The following ZMAT1 variants were observed in gnomAD, a reference collection of about 807,000 sequenced individuals.
ZMAT1 encodes the protein zinc finger matrin-type 1, also known as zinc finger matrin-type protein 1.
A neutral mutation model predicts 18.5 loss-of-function variants in ZMAT1; 11 were observed. The ratio of observed to expected loss-of-function variants is 0.59; its 90% confidence interval spans 0.37 to 0.98. The LOEUF (loss-of-function observed/expected upper bound fraction) is 0.98. Among genes scored for constraint, ZMAT1 ranks in the 50% least tolerant of loss-of-function variants. ZMAT1 has a pLI of 0.01. For synonymous variants in ZMAT1, 211 were observed against 176.4 expected, an observed-to-expected ratio of 1.20 and a Z score of -1.55; for missense variants, 525 against 496.2, an observed-to-expected ratio of 1.06 and a Z score of -0.55.
chrX:101,884,469 G>T lies in ZMAT1; in HGVS notation c.1129C>A (p.Leu377Ile), dbSNP rs1008806303. ...TTTCTGAAACAAGTCTTTGGATCTA[G>T]TCCTCTGGCTTTCTGTACTTTGATG... ...DYIKVQKARG[L>I]DPKTCFRKMR... The change falls in exon 6 of 6, where the codon CTA becomes ATA. Residue 377 changes from leucine to isoleucine, a missense_variant. Physicochemically the swap from Leu to Ile is conservative, Grantham distance 5 (BLOSUM62 2). Coordinates refer to ENST00000651725, the MANE Select transcript of ZMAT1 (RefSeq NM_001394560.1). 4.1e-6 allele frequency: 5 copies of T among 1,209,507 alleles called. No individual in the cohort carries two copies. The African/African-American group carries it at 8.7e-5, about 21-fold the overall frequency.
intron 1 of ZMAT1, among the ~76,000 whole-genome samples, chrX:101,914,681 G>A (rs1454373527): frequency 9.0e-6 from 1 of 110,942 alleles, no homozygotes; most frequent in Non-Finnish European, 1.9e-5. Flanking sequence ...CCAATAACAA[G>A]TAATGAGATA....
At chrX:101,890,934 GTCAGA>G (rs1471323579) in intron 4 of ZMAT1, among the ~76,000 whole-genome samples, 2 of 111,341 alleles carry the variant, frequency 1.8e-5, no homozygotes, top group Non-Finnish European at 1.9e-5. Context: ...GGCAAAATGG[GTCAGA>G]TCAAAGAAAG....
chrX:101,905,249 GC>G (rs1302902004), intron 1 of ZMAT1, among the ~76,000 whole-genome samples: 12 of 111,922 alleles, frequency 1.1e-4, no homozygotes, highest in African/African-American at 3.6e-4. Context: ...TCTCACACAA[GC>G]CTCTCAAAGC....
At chrX:101,927,152 TA>T (rs780084857) in intron 1 of ZMAT1, among the ~76,000 whole-genome samples, 1 of 112,096 alleles carries the variant, frequency 8.9e-6, no homozygotes, top group Non-Finnish European at 1.9e-5. Context: ...TAAATAGAAT[TA>T]AAAAAAACTG....
rs1797619942 is a variant in ZMAT1, at chrX:101,882,981, T to C, written c.*529A>G. On this transcript the variant is annotated 3_prime_UTR_variant, in exon 6 of 6. Transcript: ENST00000651725. Reference sequence around the variant, plus strand: ...CTGTCTTTTCTTGAGTAGGTTTCTTTTTCTCTTAAGTTCTTGTGTTCTCAT... The same window carrying C: ...CTGTCTTTTCTTGAGTAGGTTTCTTCTTCTCTTAAGTTCTTGTGTTCTCAT... The C allele has an allele frequency of 9.0e-6, 1 of 111,236 alleles. No homozygotes were observed. Among genetic ancestry groups the C allele is most frequent in the African/African-American group, 3.3e-5 (1 of 30,726 alleles). The allele number at this position is 111,236 out of a possible 1,213,427, so 9.2% of individuals were successfully genotyped here. A position where few individuals can be genotyped will look rare whatever the true frequency, so the allele number is the denominator to read the frequency against.
intron 1 of ZMAT1, among the ~76,000 whole-genome samples, chrX:101,907,954 T>C (rs1305741797): frequency 1.8e-5 from 2 of 112,112 alleles, no homozygotes. Context: ...ATAGAAACCG[T>C]TGAAGATATT....
chrX:101,897,737 G>A, intron 4 of ZMAT1, 131 bp downstream of exon 4: 2 of 523,057 alleles, frequency 3.8e-6, no homozygotes, highest in Non-Finnish European at 6.0e-6. Context: ...AGATTAACTG[G>A]GAAGAAGAAT....
intron 4 of ZMAT1, among the ~76,000 whole-genome samples, chrX:101,897,452 C>T (rs1927898508): frequency 9.8e-6 from 1 of 102,488 alleles, no homozygotes; most frequent in African/African-American, 3.6e-5. Context: ...AACTAACCTG[C>T]ACAATGTGCA....
In ZMAT1 at chrX:101,892,579, A is replaced by C. The variant is rs373355701; in HGVS notation, c.676+5289T>G. On this transcript the variant is annotated intron_variant, in intron 4 of 5. Transcript: ENST00000651725. Reference sequence around the variant, plus strand: ...CTTGGGAAATTCAAGTTGACTGTAGAGATTATTAATTCCGTTTTAGGTATG... The same window carrying C: ...CTTGGGAAATTCAAGTTGACTGTAGCGATTATTAATTCCGTTTTAGGTATG... The C allele has an allele frequency of 2.1e-4, 31 of 150,517 alleles. 3 individuals carry two copies. In the East Asian group the frequency reaches 2.1e-3, roughly 10 times the overall value. 12.4% of individuals were successfully genotyped at this position (150,517 alleles called of 1,213,427 possible).
chrX:101,912,123 A>T (rs750522518), intron 1 of ZMAT1: 12 of 913,538 alleles, frequency 1.3e-5, no homozygotes, highest in Non-Finnish European at 1.8e-5. Context: ...GCCATAGCTC[A>T]TCCTTTTCTA....
At chrX:101,898,084 A>G in intron 3 of ZMAT1, 35 bp downstream of exon 3, 2 of 1,207,921 alleles carry the variant, frequency 1.7e-6, no homozygotes, top group Non-Finnish European at 2.2e-6. Flanking sequence ...CAATAACTCA[A>G]AGTTTGGATT....
rs751036039 is a variant in ZMAT1, at chrX:101,896,331, C to A, written c.676+1537G>T. The stretch of plus-strand genomic sequence containing the variant: ...TTAAGACTATAAAACTATACATGTT[C>A]CTACAATTCCAGTATTTCATAGCTC... On this transcript the variant is annotated intron_variant, in intron 4 of 5. Transcript: ENST00000651725. Among the ~76,000 whole-genome samples, 10 of 111,637 alleles carry A rather than the reference C, an allele frequency of 9.0e-5. No homozygotes were observed. In the East Asian group the frequency reaches 2.8e-3, roughly 32 times the overall value.
At chrX:101,925,982 T>G (rs1055326043) in intron 1 of ZMAT1, among the ~76,000 whole-genome samples, 6 of 112,370 alleles carry the variant, frequency 5.3e-5, no homozygotes, top group African/African-American at 1.9e-4. Context: ...GCCTCCAGTT[T>G]AGAACCAATC....
intron 1 of ZMAT1, among the ~76,000 whole-genome samples, chrX:101,916,240 G>C (rs755336240): frequency 1.8e-5 from 2 of 109,773 alleles, no homozygotes; most frequent in Non-Finnish European, 3.8e-5. Flanking sequence ...GGGCCAGTTG[G>C]GGGGTGGGGG....
chrX:101,924,944 T>C (rs545689957), intron 1 of ZMAT1, among the ~76,000 whole-genome samples: 1 of 112,447 alleles, frequency 8.9e-6, no homozygotes, highest in Non-Finnish European at 1.9e-5. Context: ...TGAAGCTTGC[T>C]TGGCAATGTA....
chrX:101,917,499 C>T lies in ZMAT1; in HGVS notation c.293-13169G>A, dbSNP rs748026995. Among the ~76,000 whole-genome samples the T allele has an allele frequency of 2.7e-5, 3 of 112,083 alleles. No individual in the cohort carries two copies. In the South Asian group the frequency reaches 1.1e-3, roughly 41 times the overall value. On this transcript the variant is annotated intron_variant, in intron 1 of 5. Coordinates refer to ENST00000651725, the MANE Select transcript of ZMAT1 (RefSeq NM_001394560.1). ...AAAGCTACACGAAATAACATCTCAC[C>T]CCTGTTAAAATGGCTTATATCTAAA...
chrX:101,927,954 T>A (rs775887974), intron 1 of ZMAT1, among the ~76,000 whole-genome samples: 20 of 112,020 alleles, frequency 1.8e-4, no homozygotes, highest in Non-Finnish European at 3.6e-4. Flanking sequence ...AAATAATAAT[T>A]TACCTCTCTC....
At chrX:101,907,685 T>G (rs1386498929) in intron 1 of ZMAT1, among the ~76,000 whole-genome samples, 1 of 111,959 alleles carries the variant, frequency 8.9e-6, no homozygotes, top group African/African-American at 3.2e-5. Flanking sequence ...AAGAAAACAA[T>G]AAATGATCAA....
At chrX:101,895,273 T>C (rs965924673) in intron 4 of ZMAT1, among the ~76,000 whole-genome samples, 4 of 111,253 alleles carry the variant, frequency 3.6e-5, no homozygotes, top group South Asian at 7.5e-4. Context: ...AAGAATGATA[T>C]AACCACATGA....
Sources: gnomAD v4.1 joint callset for allele counts (sites outside exome capture counted in the v4.1 genomes callset) on GRCh38, gnomAD v4.1.1 for gene constraint, MANE v1.5 for transcripts, NCBI Gene and HGNC (gene_info 2026-07-23, HGNC 2026-07-21) for gene names.